Variants in DLG3 observed in about 807,000 individuals in gnomAD.
DLG3 encodes discs large MAGUK scaffold protein 3.
In DLG3, 1 loss-of-function variant was observed where a neutral mutation model predicts 64.1. That is an observed-to-expected ratio of 0.02 (90% CI 0.01 to 0.07). DLG3 has a LOEUF of 0.07. DLG3 is among the 10% of genes least tolerant of loss of function. DLG3 has a pLI of 1.00. For missense variants in DLG3, 429 were observed against 669.5 expected, an observed-to-expected ratio of 0.64 and a Z score of 3.96; for synonymous variants, 245 against 259.8, an observed-to-expected ratio of 0.94 and a Z score of 0.55.
chrX:70,475,173 A>G (rs2087032278), intron 9 of DLG3, among the ~76,000 whole-genome samples: 1 of 110,528 alleles, frequency 9.0e-6, no homozygotes, highest in Non-Finnish European at 1.9e-5. Context: ...TCTACAAAAA[A>G]TAAAATATAA....
chrX:70,486,526 A>G (rs1476638684), intron 10 of DLG3, among the ~76,000 whole-genome samples: 2 of 112,538 alleles, frequency 1.8e-5, no homozygotes, highest in East Asian at 5.5e-4. Flanking sequence ...AGATAAGCTG[A>G]AACACACACA....
At chrX:70,495,378 T>A in intron 12 of DLG3, 30 bp from the exon 13 acceptor site, 1 of 1,202,738 alleles carries the variant, frequency 8.3e-7, no homozygotes, top group Non-Finnish European at 1.1e-6. Context: ...CCCGTCGTCC[T>A]CTCTCCGCCC....
At chrX:70,446,394 A>C (rs1164879602) in intron 1 of DLG3, among the ~76,000 whole-genome samples, 1 of 99,769 alleles carries the variant, frequency 1.0e-5, no homozygotes, top group Non-Finnish European at 2.0e-5. Flanking sequence ...TCTTTTGTCC[A>C]AGCAGCTCTG....
chrX:70,455,216 G>T (rs945885088), intron 9 of DLG3: 1 of 754,703 alleles, frequency 1.3e-6, no homozygotes, highest in South Asian at 6.7e-5. Context: ...GGACTGGCCG[G>T]AGCTGGCGCT....
intron 9 of DLG3, among the ~76,000 whole-genome samples, chrX:70,475,390 C>G (rs1329905246): frequency 9.0e-6 from 1 of 111,307 alleles, no homozygotes. Flanking sequence ...CAGAGTCTTG[C>G]TCTGTCACCC....
chrX:70,451,014 C>CT, intron 6 of DLG3: 1 of 437,268 alleles, frequency 2.3e-6, no homozygotes, highest in Non-Finnish European at 4.0e-6. Flanking sequence ...TTGACAATTT[C>CT]TATGGAGAGT....
intron 12 of DLG3, chrX:70,493,515 C>T (rs772379592): frequency 2.7e-6 from 3 of 1,101,010 alleles, no homozygotes; most frequent in Non-Finnish European, 2.5e-6. Context: ...CCATCTGCAG[C>T]CCCATCCTCT....
chrX:70,500,248 A>G (rs2087530112), intron 16 of DLG3, among the ~76,000 whole-genome samples, 199 bp downstream of exon 16: 1 of 111,618 alleles, frequency 9.0e-6, no homozygotes, highest in African/African-American at 3.3e-5. Context: ...CCAACAGGGA[A>G]TAGGGGGCCC....
At chrX:70,464,980 TA>T (rs2086864036) in intron 9 of DLG3, among the ~76,000 whole-genome samples, 1 of 112,224 alleles carries the variant, frequency 8.9e-6, no homozygotes, top group South Asian at 3.7e-4. Flanking sequence ...AATTAAGTGA[TA>T]AAAAATTTGA....
chrX:70,489,117 T>C (rs752700025), intron 10 of DLG3, among the ~76,000 whole-genome samples: 49 of 111,627 alleles, frequency 4.4e-4, no homozygotes, highest in Non-Finnish European at 7.5e-4. Context: ...TTTTTTTAAT[T>C]GGCTTAATGT....
chrX:70,467,847 T>A (rs1237096557), intron 9 of DLG3, among the ~76,000 whole-genome samples: 1 of 111,794 alleles, frequency 8.9e-6, no homozygotes, highest in African/African-American at 3.2e-5. Flanking sequence ...GGCTTATGGG[T>A]TGCAAGAGCC....
At position 70,445,207 on chromosome X, in the gene DLG3, C is replaced by T; in HGVS notation, c.6C>T (p.His2=). ...GAGCCGCGGGGGGCAGTGCCATGCA[C>T]AAGCACCAGCACTGCTGTAAGTGCC... M[H]KHQHCCKCPE... The change falls in exon 1 of 19, where the codon CAC becomes CAT. Residue 2 remains histidine (H), a synonymous_variant. Transcript: ENST00000374360. The T allele has an allele frequency of 8.6e-7, 1 of 1,156,899 alleles. No individual in the cohort carries two copies. The highest frequency in any genetic ancestry group is 1.9e-5 in the South Asian group (1 of 52,734).
At chrX:70,478,417 T>C (rs891929570) in intron 9 of DLG3, among the ~76,000 whole-genome samples, 2 of 111,401 alleles carry the variant, frequency 1.8e-5, no homozygotes, top group Non-Finnish European at 3.8e-5. Context: ...GATGGACTTA[T>C]GACCTCACTG....
chrX:70,462,243 C>CTTTTTTTTTTTT (rs141689653), intron 9 of DLG3, among the ~76,000 whole-genome samples: 11 of 46,978 alleles, frequency 2.3e-4, no homozygotes, highest in African/African-American at 4.3e-4. Flanking sequence ...TTCTTTCTTT[C>CTTTTTTTTTTTT]TTTTTTTTTT....
At chrX:70,484,039 G>A (rs931528871) in intron 10 of DLG3, among the ~76,000 whole-genome samples, 1 of 112,071 alleles carries the variant, frequency 8.9e-6, no homozygotes, top group African/African-American at 3.2e-5. Flanking sequence ...TAGAGTTCCA[G>A]GGATGACCTT....
At chrX:70,483,061 G>A (rs1435119845) in intron 10 of DLG3, among the ~76,000 whole-genome samples, 1 of 110,856 alleles carries the variant, frequency 9.0e-6, no homozygotes, top group Non-Finnish European at 1.9e-5. Flanking sequence ...TAGGAGGATT[G>A]CTTGAGCCCA....
chrX:70,474,429 A>G (rs192439806), intron 9 of DLG3, among the ~76,000 whole-genome samples: 47 of 111,136 alleles, frequency 4.2e-4, no homozygotes, highest in Non-Finnish European at 3.2e-4. Flanking sequence ...GCAATTAGGA[A>G]GAAACATCAG....
intron 9 of DLG3, among the ~76,000 whole-genome samples, chrX:70,459,319 C>T (rs1432532314): frequency 1.8e-5 from 2 of 112,427 alleles, no homozygotes; most frequent in Non-Finnish European, 3.8e-5. Context: ...ATGGAAACAC[C>T]TTTGGGTAAG....
At position 70,464,831 on chromosome X, in the gene DLG3, C is replaced by T. The variant is rs760624022; in HGVS notation, c.1405+10515C>T. 3.6e-5 allele frequency among the ~76,000 whole-genome samples: 4 copies of T among 111,032 alleles called. No homozygotes were observed. The Admixed American group carries it at 3.8e-4, about 11-fold the overall frequency. ...ATTAGCCAGGCGTGGTGGTACACCCCTGTAATCTCAGCTACTCAGGAGGTT... is the reference window on the plus strand; with the variant it reads ...ATTAGCCAGGCGTGGTGGTACACCCTTGTAATCTCAGCTACTCAGGAGGTT... On this transcript the variant is annotated intron_variant, in intron 9 of 18. Coordinates refer to ENST00000374360, the MANE Select transcript of DLG3 (RefSeq NM_021120.4).
Sources: gnomAD v4.1 joint callset for allele counts (sites outside exome capture counted in the v4.1 genomes callset) on GRCh38, gnomAD v4.1.1 for gene constraint, MANE v1.5 for transcripts, NCBI Gene and HGNC (gene_info 2026-07-23, HGNC 2026-07-21) for gene names.